NLGN1: variants seen among roughly 807,000 people sequenced by gnomAD.
NLGN1 encodes the protein neuroligin 1.
In NLGN1, 12 loss-of-function variants were observed where a neutral mutation model predicts 65.5. The observed-to-expected ratio is 0.18, with a 90% CI of 0.12 to 0.30. NLGN1 has a LOEUF of 0.30. Ranked by LOEUF, NLGN1 falls within the 10% of genes least tolerant of loss-of-function variation. The pLI is 1.00. For synonymous variants in NLGN1, 350 were observed against 359.5 expected (o/e 0.97, Z 0.30); for missense variants, 750 against 1,007.1 (o/e 0.74, Z 3.46).
intron 4 of NLGN1, among the ~76,000 whole-genome samples, chr3:174,232,907 C>T (rs1418605422): frequency 6.6e-6 from 1 of 152,240 alleles, no homozygotes; most frequent in African/African-American, 2.4e-5. Context: ...ATTTCCCCAA[C>T]TTCGGACAGC....
At chr3:174,106,839 T>A (rs1274950289) in intron 4 of NLGN1, among the ~76,000 whole-genome samples, 1 of 152,068 alleles carries the variant, frequency 6.6e-6, no homozygotes, top group African/African-American at 2.4e-5. Context: ...CATGTCCAGT[T>A]TTAAAAGATA....
intron 4 of NLGN1, among the ~76,000 whole-genome samples, chr3:174,034,110 A>G (rs967842536): frequency 2.0e-5 from 3 of 152,152 alleles, no homozygotes; most frequent in African/African-American, 7.2e-5. Context: ...TAAGAATTAC[A>G]TGAACCTTCC....
At chr3:173,860,852 C>T (rs1728924371) in intron 4 of NLGN1, among the ~76,000 whole-genome samples, 1 of 152,248 alleles carries the variant, frequency 6.6e-6, no homozygotes, top group Admixed American at 6.5e-5. Flanking sequence ...GGGGGGTTAC[C>T]TGCTCATGTG....
chr3:174,120,963 T>C (rs1301785497), intron 4 of NLGN1, among the ~76,000 whole-genome samples: 1 of 152,190 alleles, frequency 6.6e-6, no homozygotes, highest in Non-Finnish European at 1.5e-5. Flanking sequence ...AATATATCTG[T>C]ATCTGCAGAA....
chr3:173,981,680 C>A (rs916808877), intron 4 of NLGN1, among the ~76,000 whole-genome samples: 1 of 151,410 alleles, frequency 6.6e-6, no homozygotes, highest in African/African-American at 2.4e-5. Context: ...AGAGAAATAT[C>A]TTATACCTAT....
intron 3 of NLGN1, among the ~76,000 whole-genome samples, chr3:173,705,467 T>C (rs1467120906): frequency 6.6e-6 from 1 of 152,152 alleles, no homozygotes; most frequent in Non-Finnish European, 1.5e-5. Flanking sequence ...TAATAGATGT[T>C]AGACAGGTAA....
intron 4 of NLGN1, among the ~76,000 whole-genome samples, chr3:173,933,998 C>T (rs1346557482): frequency 1.3e-5 from 2 of 151,564 alleles, no homozygotes; most frequent in African/African-American, 2.4e-5. Context: ...AGAAATGTTT[C>T]AACACCTAAA....
chr3:174,154,511 G>A (rs1295739469), intron 4 of NLGN1, among the ~76,000 whole-genome samples: 3 of 151,928 alleles, frequency 2.0e-5, no homozygotes, highest in Non-Finnish European at 4.4e-5. Context: ...TTACTGAACC[G>A]GAAAGTGTAA....
At chr3:173,970,998 A>T (rs910208778) in intron 4 of NLGN1, among the ~76,000 whole-genome samples, 1 of 152,140 alleles carries the variant, frequency 6.6e-6, no homozygotes, top group South Asian at 2.1e-4. Context: ...AATCCATACT[A>T]GTTTGTGAGC....
At chr3:173,559,668 A>G (rs546613886) in intron 2 of NLGN1, among the ~76,000 whole-genome samples, 1 of 152,330 alleles carries the variant, frequency 6.6e-6, no homozygotes, top group South Asian at 2.1e-4. Context: ...TCAAATCTCA[A>G]TTTTTAAGGC....
At chr3:173,450,827 G>C (rs2148844134) in intron 2 of NLGN1, among the ~76,000 whole-genome samples, 1 of 152,224 alleles carries the variant, frequency 6.6e-6, no homozygotes, top group Non-Finnish European at 1.5e-5. Context: ...TTACATAGCT[G>C]ATACCCTTTC....
At chr3:173,472,699 C>T (rs910305230) in intron 2 of NLGN1, among the ~76,000 whole-genome samples, 4 of 151,888 alleles carry the variant, frequency 2.6e-5, no homozygotes, top group Non-Finnish European at 2.9e-5. Context: ...TATTATTAAC[C>T]TGGGGTGGGA....
intron 3 of NLGN1, among the ~76,000 whole-genome samples, chr3:173,711,746 C>A (rs570409032): frequency 6.6e-6 from 1 of 152,102 alleles, no homozygotes; most frequent in South Asian, 2.1e-4. Flanking sequence ...TGGAATCGAT[C>A]TACTATGGTG....
downstream of NLGN1, among the ~76,000 whole-genome samples, chr3:174,289,299 T>C (rs1262300106): frequency 2.0e-5 from 3 of 151,406 alleles, no homozygotes; most frequent in Non-Finnish European, 4.4e-5. Flanking sequence ...TAATTCGTTG[T>C]TTAAAAGATT....
At chr3:174,205,970 T>G (rs1259095456) in intron 4 of NLGN1, among the ~76,000 whole-genome samples, 1 of 152,198 alleles carries the variant, frequency 6.6e-6, no homozygotes, top group African/African-American at 2.4e-5. Flanking sequence ...TTATTTGTAT[T>G]AAATATTTTA....
At chr3:173,978,634 A>C (rs1451577521) in intron 4 of NLGN1, among the ~76,000 whole-genome samples, 3 of 151,934 alleles carry the variant, frequency 2.0e-5, no homozygotes, top group African/African-American at 7.2e-5. Flanking sequence ...ATGTGATGTC[A>C]TTAAAGCCAA....
At chr3:174,234,987 T>C (rs1741435543) in intron 4 of NLGN1, among the ~76,000 whole-genome samples, 2 of 50,878 alleles carry the variant, frequency 3.9e-5, no homozygotes, top group Admixed American at 2.0e-4. Flanking sequence ...GGAATCACCT[T>C]TTTTTTTTTT....
rs567215844 is a variant in NLGN1, at chr3:173,836,081, A to T, written c.646+28249A>T. On this transcript the variant is annotated intron_variant, in intron 4 of 6. Coordinates refer to ENST00000457714, the Ensembl canonical transcript of NLGN1. The stretch of plus-strand genomic sequence containing the variant: ...CAGCACTGGAACTTGCAGCCAGGTA[A>T]CTTCATGCCTGCTAAAAATATAACT... Among the ~76,000 whole-genome samples the T allele has an allele frequency of 4.6e-5, 7 of 152,280 alleles. No individual in the cohort carries two copies. The East Asian group carries it at 1.4e-3, about 29-fold the overall frequency.
intron 4 of NLGN1, among the ~76,000 whole-genome samples, chr3:174,254,573 G>A (rs898099888): frequency 7.2e-5 from 11 of 151,814 alleles, no homozygotes; most frequent in African/African-American, 2.7e-4. Flanking sequence ...TGTGTTAGAT[G>A]AAAATAAACA....
Sources: gnomAD v4.1 joint callset for allele counts (sites outside exome capture counted in the v4.1 genomes callset) on GRCh38, gnomAD v4.1.1 for gene constraint, MANE v1.5 for transcripts, NCBI Gene and HGNC (gene_info 2026-07-23, HGNC 2026-07-21) for gene names.